Variants in HMGB1 observed in about 807,000 individuals in gnomAD.
HMGB1 encodes the protein high mobility group box 1, also known as high mobility group protein B1.
For synonymous variants in HMGB1, 81 were observed against 84.0 expected, an observed-to-expected ratio of 0.96 and a Z score of 0.19; for missense variants, 79 against 253.5, an observed-to-expected ratio of 0.31 and a Z score of 4.67.
chr13:30,528,611 G>A (rs1476024490), intron 1 of HMGB1, among the ~76,000 whole-genome samples: 1 of 152,176 alleles, frequency 6.6e-6, no homozygotes, highest in Admixed American at 6.5e-5. Flanking sequence ...TGTGTGTTTG[G>A]AAGATAACAT....
At chr13:30,575,954 A>C (rs1032507630) in intron 1 of HMGB1, among the ~76,000 whole-genome samples, 1 of 152,108 alleles carries the variant, frequency 6.6e-6, no homozygotes, top group African/African-American at 2.4e-5. Context: ...GCCGCTGGTA[A>C]CATGCCATTT....
At chr13:30,538,907 T>A (rs977984103) in intron 1 of HMGB1, among the ~76,000 whole-genome samples, 7 of 152,030 alleles carry the variant, frequency 4.6e-5, no homozygotes, top group African/African-American at 1.7e-4. Context: ...TGTTTTGTTT[T>A]GTTTTTTGAG....
chr13:30,558,607 A>C (rs549240378), intron 1 of HMGB1, among the ~76,000 whole-genome samples: 1 of 152,336 alleles, frequency 6.6e-6, no homozygotes, highest in South Asian at 2.1e-4. Context: ...GTTGTTAGTG[A>C]AACACCAAGT....
At chr13:30,583,825 CA>C (rs781566280) in intron 1 of HMGB1, among the ~76,000 whole-genome samples, 1,288 of 74,356 alleles carry the variant, frequency 0.017, 9 homozygotes, top group Non-Finnish European at 0.025. Flanking sequence ...GACTCTGTCT[CA>C]AAAAAAAAAA....
At chr13:30,464,685 GGCCGCTGCGCGTCTTCTCCGCCTGCGCC>G in intron 1 of HMGB1, 2 of 965,848 alleles carry the variant, frequency 2.1e-6, no homozygotes, top group Non-Finnish European at 2.5e-6. Flanking sequence ...CGCACGGAAT[GGCCGCTGCGCGTCTTCTCCGCCTGCGCC>G]GCCGCCGCCG....
intron 1 of HMGB1, among the ~76,000 whole-genome samples, chr13:30,525,463 C>T (rs1888341447): frequency 1.3e-5 from 2 of 152,166 alleles, no homozygotes; most frequent in Non-Finnish European, 2.9e-5. Context: ...CTCAAAGATC[C>T]TTGACAGTAG....
intron 1 of HMGB1, among the ~76,000 whole-genome samples, chr13:30,529,591 G>A (rs1445876105): frequency 5.9e-5 from 9 of 152,160 alleles, no homozygotes; most frequent in Admixed American, 3.9e-4. Flanking sequence ...GGTGATGAAC[G>A]CAAACTTGAT....
rs1324016827 is a variant in HMGB1, at chr13:30,460,440, G to A, written c.*917C>T. On this transcript the variant is annotated 3_prime_UTR_variant, in exon 5 of 5. Coordinates refer to ENST00000341423, the MANE Select transcript of HMGB1 (RefSeq NM_002128.7). The stretch of plus-strand genomic sequence containing the variant: ...TGGCAGTCTTGTATTTTAAGCTCAC[G>A]CTTTTGGGGATACATTCTCAGGTCT... 6.6e-6 allele frequency: 1 copy of A among 151,428 alleles called. No individual in the cohort carries two copies. The highest frequency in any genetic ancestry group is 6.6e-5 in the Admixed American group (1 of 15,158). 9.4% of individuals were successfully genotyped at this position (151,428 alleles called of 1,614,324 possible). A position where few individuals can be genotyped will look rare whatever the true frequency, so the allele number is the denominator to read the frequency against.
intron 1 of HMGB1, among the ~76,000 whole-genome samples, chr13:30,616,123 C>G (rs139355465): frequency 5.3e-5 from 8 of 152,338 alleles, no homozygotes; most frequent in Non-Finnish European, 8.8e-5. Flanking sequence ...TCTAGTCAAT[C>G]TCTGCTGATC....
chr13:30,573,650 C>CTT (rs774433276), intron 1 of HMGB1, among the ~76,000 whole-genome samples: 3,790 of 132,428 alleles, frequency 0.029, 192 homozygotes, highest in African/African-American at 0.099. Flanking sequence ...CTAGCATTTT[C>CTT]TTTTTTTTTT....
chr13:30,605,926 T>TTA (rs1950453942), intron 1 of HMGB1, among the ~76,000 whole-genome samples: 1 of 152,208 alleles, frequency 6.6e-6, no homozygotes, highest in Non-Finnish European at 1.5e-5. Flanking sequence ...TCTCCTAAAA[T>TTA]AAGTCCATTC....
At chr13:30,463,440 C>G in intron 2 of HMGB1, 88 bp from the exon 3 acceptor site, 1 of 1,513,382 alleles carries the variant, frequency 6.6e-7, no homozygotes. Flanking sequence ...AATAGCGTCC[C>G]ACTACGAGAA....
intron 1 of HMGB1, among the ~76,000 whole-genome samples, chr13:30,545,789 G>A (rs1869129126): frequency 6.6e-6 from 1 of 152,088 alleles, no homozygotes; most frequent in South Asian, 2.1e-4. Flanking sequence ...TCAACCTCCT[G>A]GGCTCAAGAG....
At chr13:30,531,514 G>GTA (rs1888494301) in intron 1 of HMGB1, among the ~76,000 whole-genome samples, 1 of 71,606 alleles carries the variant, frequency 1.4e-5, no homozygotes, top group Admixed American at 1.3e-4. Flanking sequence ...ATATACGTGT[G>GTA]TGTGTGTGTG....
chr13:30,463,939 T>G, intron 1 of HMGB1: 1 of 412,264 alleles, frequency 2.4e-6, no homozygotes, highest in African/African-American at 2.1e-5. Context: ...CACAAAGATA[T>G]ACCCATACAG....
chr13:30,598,710 C>T (rs1871724026), intron 1 of HMGB1, among the ~76,000 whole-genome samples: 1 of 152,112 alleles, frequency 6.6e-6, no homozygotes, highest in South Asian at 2.1e-4. Context: ...GGGCTACAGC[C>T]TTGGTGGCAA....
At position 30,463,691 on chromosome 13, in the gene HMGB1, T is replaced by C. The variant is rs773572728; in HGVS notation, c.-11A>G. ...ATCTCCTTTGCCCATGTTTAGTTAT[T>C]TTTCTAAAAAATAAAATAAATATTT... On this transcript the variant is annotated 5_prime_UTR_variant, in exon 2 of 5. Coordinates refer to ENST00000341423, the MANE Select transcript of HMGB1 (RefSeq NM_002128.7). 6.5e-6 allele frequency: 10 copies of C among 1,532,962 alleles called. No homozygotes were observed. The African/African-American group carries it at 1.3e-4, about 19-fold the overall frequency. 95.0% of individuals were successfully genotyped at this position (1,532,962 alleles called of 1,614,324 possible).
intron 1 of HMGB1, among the ~76,000 whole-genome samples, chr13:30,483,445 T>G (rs960388237): frequency 2.0e-5 from 3 of 152,006 alleles, no homozygotes; most frequent in African/African-American, 7.2e-5. Flanking sequence ...GTCACTTCCC[T>G]TCATTTCCGA....
intron 1 of HMGB1, among the ~76,000 whole-genome samples, chr13:30,566,903 T>A (rs1471689919): frequency 6.6e-6 from 1 of 152,186 alleles, no homozygotes; most frequent in African/African-American, 2.4e-5. Context: ...GAACCACAAA[T>A]GCGAAAAGGA....
Sources: gnomAD v4.1 joint callset for allele counts (sites outside exome capture counted in the v4.1 genomes callset) on GRCh38, gnomAD v4.1.1 for gene constraint, MANE v1.5 for transcripts, NCBI Gene and HGNC (gene_info 2026-07-23, HGNC 2026-07-21) for gene names.